The following MBNL3 variants were observed in gnomAD, a reference collection of about 807,000 sequenced individuals.
MBNL3 encodes muscleblind like splicing regulator 3.
Under a neutral mutation model 24.5 loss-of-function variants are expected in MBNL3, and 6 were observed. The observed-to-expected ratio is 0.25, with a 90% CI of 0.13 to 0.48. MBNL3 has a LOEUF of 0.48. Among genes scored for constraint, MBNL3 ranks in the 20% least tolerant of loss-of-function variants. The probability of loss-of-function intolerance (pLI) is 0.99; values close to 1 mark genes in which losing one functional copy is unlikely to be tolerated. For synonymous variants in MBNL3, 100 were observed against 101.7 expected, an observed-to-expected ratio of 0.98 and a Z score of 0.10; for missense variants, 230 against 293.5, an observed-to-expected ratio of 0.78 and a Z score of 1.58.
At chrX:132,445,666 G>A (rs921456941) in intron 1 of MBNL3, among the ~76,000 whole-genome samples, 1 of 111,425 alleles carries the variant, frequency 9.0e-6, no homozygotes, top group Non-Finnish European at 1.9e-5. Context: ...AGGTGCAACA[G>A]TGTCTCTTTT....
intron 3 of MBNL3, among the ~76,000 whole-genome samples, chrX:132,393,580 A>G (rs1487166830): frequency 9.0e-6 from 1 of 111,120 alleles, no homozygotes; most frequent in African/African-American, 3.3e-5. Context: ...CATCTCCCCT[A>G]TAGTACCCAA....
chrX:132,405,012 A>G (rs1941550134), intron 3 of MBNL3, among the ~76,000 whole-genome samples: 1 of 112,033 alleles, frequency 8.9e-6, no homozygotes, highest in Admixed American at 9.5e-5. Context: ...CAGAAAAGGG[A>G]CAGTTTTCAA....
At chrX:132,457,848 G>A (rs983964729) in intron 1 of MBNL3, among the ~76,000 whole-genome samples, 2 of 111,417 alleles carry the variant, frequency 1.8e-5, no homozygotes, top group African/African-American at 6.5e-5. Flanking sequence ...AGATACTCAA[G>A]CCTCAAACAA....
rs1365454852 is a variant in MBNL3 at position 132,440,281 on chromosome X, C to G, written c.-670G>C. 2.7e-5 allele frequency among the ~76,000 whole-genome samples: 3 copies of G among 110,513 alleles called. No homozygotes were observed. The highest frequency in any genetic ancestry group is 3.8e-5 in the Non-Finnish European group (2 of 52,820). On this transcript the variant is annotated 5_prime_UTR_variant, in exon 2 of 9. Coordinates refer to ENST00000370853, the MANE Select transcript of MBNL3 (RefSeq NM_001386889.1). Reference sequence around the variant, plus strand: ...AGACAGCTCTAGAGTAGAATCCAAGCAGCAGAGTTTTCAGAAAAGGCACTT... The same window carrying G: ...AGACAGCTCTAGAGTAGAATCCAAGGAGCAGAGTTTTCAGAAAAGGCACTT...
intron 8 of MBNL3, among the ~76,000 whole-genome samples, chrX:132,381,130 T>C (rs1352753802): frequency 8.9e-6 from 1 of 112,109 alleles, no homozygotes; most frequent in Admixed American, 9.5e-5. Context: ...TTTAAGAATG[T>C]GTTAGCTCAT....
intron 1 of MBNL3, among the ~76,000 whole-genome samples, chrX:132,442,173 G>A (rs1033193826): frequency 1.8e-5 from 2 of 111,608 alleles, no homozygotes; most frequent in Admixed American, 9.5e-5. Context: ...GAATTAGATA[G>A]TGGTGATGAT....
intron 1 of MBNL3, among the ~76,000 whole-genome samples, chrX:132,462,200 A>G (rs1427089660): frequency 9.0e-6 from 1 of 111,243 alleles, no homozygotes; most frequent in Non-Finnish European, 1.9e-5. Flanking sequence ...CTCTTTCCCA[A>G]TCTCAATCTC....
At chrX:132,396,615 C>CCT (rs1569424765) in intron 3 of MBNL3, among the ~76,000 whole-genome samples, 23 of 39,058 alleles carry the variant, frequency 5.9e-4, no homozygotes, top group Admixed American at 8.7e-4. Context: ...TATATATATT[C>CCT]ATATATATAT....
Position 132,386,781 on chromosome X carries a change from G to A in MBNL3, c.802C>T (p.Pro268Ser), listed in dbSNP as rs1936122552. ...GGCTTTTCCAGTGCTGATCTCTTTGGTATCAGTTGCAGTGTACCAGGCTGC... is the reference window on the plus strand; with the variant it reads ...GGCTTTTCCAGTGCTGATCTCTTTGATATCAGTTGCAGTGTACCAGGCTGC... ...ALQPGTLQLIPKRSALEKPNG... is the reference protein window; with the variant it reads ...ALQPGTLQLISKRSALEKPNG... Residue 268 changes from proline (P) to serine (S), a missense_variant, in exon 6 of 9, where the codon CCA (proline) becomes TCA (serine). By Grantham distance (74) the Pro-to-Ser change is moderately conservative (BLOSUM62 -1). Coordinates refer to ENST00000370853, the MANE Select transcript of MBNL3 (RefSeq NM_001386889.1). 1.7e-6 allele frequency: 2 copies of A among 1,211,030 alleles called. No homozygotes were observed. Among genetic ancestry groups the A allele is most frequent in the Non-Finnish European group, 2.2e-6 (2 of 895,354 alleles).
rs1344666952 is a variant in MBNL3 at position 132,374,352 on chromosome X, A to G, written c.*5314T>C. The G allele has an allele frequency of 9.0e-6, 1 of 110,883 alleles. No homozygotes were observed. The highest frequency in any genetic ancestry group is 1.9e-5 in the Non-Finnish European group (1 of 52,759). The allele number at this position is 110,883 out of a possible 1,213,427, so 9.1% of individuals were successfully genotyped here. On this transcript the variant is annotated 3_prime_UTR_variant, in exon 9 of 9. Coordinates refer to ENST00000370853, the MANE Select transcript of MBNL3 (RefSeq NM_001386889.1). ...TATAGGGGGGATTAATTTAAAAAGC[A>G]AACAATCTTTGCTAATGATCTTGTT...
intron 2 of MBNL3, 79 bp from the exon 3 acceptor site, chrX:132,406,471 C>A (rs1941842658): frequency 1.1e-6 from 1 of 910,617 alleles, no homozygotes; most frequent in South Asian, 2.8e-5. Context: ...TATCTGGGGA[C>A]AATCTAAGCT....
At chrX:132,420,636 CGG>C (rs1256778480) in intron 2 of MBNL3, among the ~76,000 whole-genome samples, 1 of 110,687 alleles carries the variant, frequency 9.0e-6, no homozygotes, top group African/African-American at 3.3e-5. Context: ...CCTGATTGAT[CGG>C]GTGTGAGCTA....
intron 1 of MBNL3, among the ~76,000 whole-genome samples, chrX:132,440,582 G>A (rs557806051): frequency 9.0e-6 from 1 of 111,027 alleles, no homozygotes; most frequent in African/African-American, 3.3e-5. Flanking sequence ...GGATGGAAAC[G>A]TAAAATGTGC....
rs768639145 is a variant in MBNL3 at position 132,450,617 on chromosome X, G to A, written c.-703-10303C>T. On this transcript the variant is annotated intron_variant, in intron 1 of 8. Transcript: ENST00000370853. ...CTTGCATTGGGTTAGAACATGCTCCGTTAGCTTGGAGGAGTTTGTTATTAC... is the reference window on the plus strand; with the variant it reads ...CTTGCATTGGGTTAGAACATGCTCCATTAGCTTGGAGGAGTTTGTTATTAC... Among the ~76,000 whole-genome samples the A allele has an allele frequency of 1.9e-4, 20 of 103,534 alleles. No individual in the cohort carries two copies. In the South Asian group the frequency reaches 3.8e-3, roughly 20 times the overall value. The allele number at this position is 103,534 out of a possible 115,157, so 89.9% of individuals were successfully genotyped here. A position where few individuals can be genotyped will look rare whatever the true frequency, so the allele number is the denominator to read the frequency against.
chrX:132,480,541 C>T (rs1477992848), intron 1 of MBNL3, among the ~76,000 whole-genome samples: 1 of 111,420 alleles, frequency 9.0e-6, no homozygotes, highest in East Asian at 2.8e-4. Flanking sequence ...ATCAAAGGCC[C>T]GATTTGGCAA....
chrX:132,396,336 A>G (rs1183840300), intron 3 of MBNL3, among the ~76,000 whole-genome samples: 2 of 65,561 alleles, frequency 3.1e-5, no homozygotes, highest in Non-Finnish European at 5.1e-5. Context: ...ATATATATTC[A>G]TATATATTCA....
chrX:132,476,445 G>A (rs1947442919), intron 1 of MBNL3, among the ~76,000 whole-genome samples: 1 of 111,325 alleles, frequency 9.0e-6, no homozygotes, highest in African/African-American at 3.3e-5. Context: ...GAGGAATGCG[G>A]TATAAGGAGT....
chrX:132,443,393 T>G (rs762486958), intron 1 of MBNL3, among the ~76,000 whole-genome samples: 1 of 112,053 alleles, frequency 8.9e-6, no homozygotes, highest in Non-Finnish European at 1.9e-5. Flanking sequence ...CCTGGGAATC[T>G]TAAACAAGAG....
intron 8 of MBNL3, among the ~76,000 whole-genome samples, chrX:132,380,297 G>A (rs1020353865): frequency 7.1e-5 from 8 of 112,044 alleles, no homozygotes; most frequent in African/African-American, 2.3e-4. Context: ...TTACCTTGAC[G>A]TAAAGCAGCC....
Sources: allele counts gnomAD v4.1 joint callset (sites outside exome capture counted in the v4.1 genomes callset), GRCh38; gene constraint gnomAD v4.1.1; transcripts MANE v1.5; gene names NCBI Gene and HGNC (gene_info 2026-07-23, HGNC 2026-07-21).